The following PCDH15 variants were observed in gnomAD, a reference collection of about 807,000 sequenced individuals.
PCDH15 encodes protocadherin related 15, also known as protocadherin-15.
In PCDH15, 129 loss-of-function variants were observed where a neutral mutation model predicts 178.5. That is an observed-to-expected ratio of 0.72 (90% CI 0.63 to 0.84). The LOEUF (loss-of-function observed/expected upper bound fraction) is 0.84, where lower values mean the gene tolerates loss of function less well. Ranked by LOEUF, PCDH15 falls within the 40% of genes least tolerant of loss-of-function variation. PCDH15 has a pLI of 0.00. For missense variants in PCDH15, 2,230 were observed against 2,099.9 expected, an observed-to-expected ratio of 1.06 and a Z score of -1.21; for synonymous variants, 800 against 732.0, an observed-to-expected ratio of 1.09 and a Z score of -1.50.
At chr10:54,682,601 C>T (rs1320926079) in intron 1 of PCDH15, among the ~76,000 whole-genome samples, 3 of 152,108 alleles carry the variant, frequency 2.0e-5, no homozygotes, top group East Asian at 1.9e-4. Context: ...GAATCACTTT[C>T]CTTTTTATAG....
chr10:55,437,222 T>C (rs184807466), intron 2 of PCDH15, among the ~76,000 whole-genome samples: 603 of 36,556 alleles, frequency 0.016, 4 homozygotes, highest in Middle Eastern at 0.054. Context: ...CTCAATTTAA[T>C]TGGAGAAATA....
intron 18 of PCDH15, among the ~76,000 whole-genome samples, chr10:54,041,497 A>T (rs570634817): frequency 6.6e-6 from 1 of 152,234 alleles, no homozygotes; most frequent in African/African-American, 2.4e-5. Flanking sequence ...ATTAAAAAAT[A>T]ATTGCCTTTT....
rs183451502 is a variant in PCDH15 at position 55,080,868 on chromosome 10, C to T, written c.-80+85708G>A. On this transcript the variant is annotated intron_variant, in intron 2 of 5. Coordinates refer to the PCDH15 transcript ENST00000458638. ...TGGGGTTGCTGCTCCCAGCCCCAGA[C>T]AGTCAGTTTTCAGGCTTGCCCACCT... Among the ~76,000 whole-genome samples the T allele has an allele frequency of 5.3e-5, 8 of 152,268 alleles. No homozygotes were observed. In the South Asian group the frequency reaches 1.7e-3, roughly 32 times the overall value.
rs570070797 is a variant in PCDH15, at chr10:55,590,399, A to C, written c.-156+37226T>G. On this transcript the variant is annotated intron_variant, in intron 2 of 5. Coordinates refer to the PCDH15 transcript ENST00000613346. ...AATGGGTGCAGCACACCAGCATGGCACATGTATACATATGTAACTAACCTG... is the reference window on the plus strand; with the variant it reads ...AATGGGTGCAGCACACCAGCATGGCCCATGTATACATATGTAACTAACCTG... 2.3e-4 allele frequency among the ~76,000 whole-genome samples: 35 copies of C among 152,036 alleles called. No individual in the cohort carries two copies. In the South Asian group the frequency reaches 6.7e-3, roughly 29 times the overall value.
At chr10:55,203,606 T>G (rs1316136815) in intron 1 of PCDH15, among the ~76,000 whole-genome samples, 2 of 152,054 alleles carry the variant, frequency 1.3e-5, no homozygotes, top group Admixed American at 1.3e-4. Flanking sequence ...AATCCTCTGG[T>G]ATAAACAACT....
chr10:55,491,528 A>G (rs966014788), intron 2 of PCDH15, among the ~76,000 whole-genome samples: 2 of 151,612 alleles, frequency 1.3e-5, no homozygotes, highest in Non-Finnish European at 2.9e-5. Context: ...ATTCCAGAAA[A>G]ATGAGTCTGG....
intron 1 of PCDH15, among the ~76,000 whole-genome samples, chr10:54,747,995 C>T (rs891623673): frequency 1.3e-5 from 2 of 151,898 alleles, no homozygotes; most frequent in African/African-American, 2.4e-5. Flanking sequence ...TTAGTAGACA[C>T]GGGGTTTTAC....
At chr10:55,117,834 T>C (rs1438000241) in intron 2 of PCDH15, among the ~76,000 whole-genome samples, 3 of 152,164 alleles carry the variant, frequency 2.0e-5, no homozygotes, top group Non-Finnish European at 2.9e-5. Flanking sequence ...TTGGTTTTTA[T>C]TTTTTCTCTC....
chr10:54,336,753 C>A (rs535305445), intron 6 of PCDH15, among the ~76,000 whole-genome samples: 2 of 152,314 alleles, frequency 1.3e-5, no homozygotes, highest in South Asian at 4.1e-4. Flanking sequence ...GGGTTGAAGT[C>A]CCCACAAAGA....
intron 2 of PCDH15, among the ~76,000 whole-genome samples, chr10:54,555,318 A>G (rs1025422618): frequency 1.3e-5 from 2 of 152,154 alleles, no homozygotes; most frequent in African/African-American, 4.8e-5. Context: ...TCAGATCTTT[A>G]ACATCGTTTG....
At chr10:54,250,418 G>A (rs949550750) in intron 8 of PCDH15, among the ~76,000 whole-genome samples, 5 of 151,508 alleles carry the variant, frequency 3.3e-5, no homozygotes, top group Admixed American at 6.6e-5. Flanking sequence ...GAGTAGCTGG[G>A]ACTACAGGCA....
chr10:53,910,407 G>A (rs1589375571), intron 25 of PCDH15, among the ~76,000 whole-genome samples: 1 of 152,122 alleles, frequency 6.6e-6, no homozygotes, highest in Non-Finnish European at 1.5e-5. Flanking sequence ...CAACAGACTT[G>A]CAGCTAAGGG....
chr10:54,145,206 T>C (rs1461797913), intron 14 of PCDH15, among the ~76,000 whole-genome samples: 2 of 152,076 alleles, frequency 1.3e-5, no homozygotes, highest in Non-Finnish European at 2.9e-5. Context: ...AAGACAACTT[T>C]TTCATATGAC....
intron 2 of PCDH15, among the ~76,000 whole-genome samples, chr10:55,077,916 G>A (rs1841949484): frequency 6.6e-6 from 1 of 152,060 alleles, no homozygotes; most frequent in Non-Finnish European, 1.5e-5. Flanking sequence ...TTGCGAGTGA[G>A]TTTTATACTT....
intron 30 of PCDH15, 52 bp from the exon 31 acceptor site, chr10:53,828,625 G>A: frequency 7.2e-7 from 1 of 1,391,448 alleles, no homozygotes; most frequent in East Asian, 2.3e-5. Context: ...TAGAACTATT[G>A]CATTAATAAC....
rs1360404755 is a variant in PCDH15, at chr10:54,346,598, C to A, written c.475-114G>T. ...CCTAAAGGAAGATACCAGTTGGCAG[C>A]CCACAACCACAAACTGAAGTGTTTC... On this transcript the variant is annotated intron_variant, in intron 5 of 37. Coordinates refer to ENST00000644397, the MANE Select transcript of PCDH15 (RefSeq NM_001384140.1). 5.1e-6 allele frequency: 6 copies of A among 1,186,926 alleles called. No individual in the cohort carries two copies. In the East Asian group the frequency reaches 1.4e-4, roughly 28 times the overall value. The allele number at this position is 1,186,926 out of a possible 1,614,324, so 73.5% of individuals were successfully genotyped here. A position where few individuals can be genotyped will look rare whatever the true frequency, so the allele number is the denominator to read the frequency against.
intron 2 of PCDH15, among the ~76,000 whole-genome samples, chr10:54,571,630 C>T (rs999815455): frequency 6.6e-6 from 1 of 151,840 alleles, no homozygotes; most frequent in Non-Finnish European, 1.5e-5. Flanking sequence ...AAATGAAAAC[C>T]CTGAAAAATA....
At position 54,190,757 on chromosome 10, in the gene PCDH15, C is replaced by T. The variant is rs1472157669; in HGVS notation, c.1305+4926G>A. Among the ~76,000 whole-genome samples the T allele has an allele frequency of 2.0e-5, 3 of 152,240 alleles. No individual in the cohort carries two copies. The East Asian group carries it at 5.8e-4, about 29-fold the overall frequency. On this transcript the variant is annotated intron_variant, in intron 11 of 37. Transcript: ENST00000644397. ...AATTCATGCCCATAAACTAAAATGGCTTTAAAGTTTTCTTTTCATAATACA... is the reference window on the plus strand; with the variant it reads ...AATTCATGCCCATAAACTAAAATGGTTTTAAAGTTTTCTTTTCATAATACA...
At chr10:55,238,844 G>A (rs1170152972) in intron 1 of PCDH15, among the ~76,000 whole-genome samples, 1 of 152,064 alleles carries the variant, frequency 6.6e-6, no homozygotes, top group Admixed American at 6.6e-5. Flanking sequence ...ATTGCCTCAA[G>A]CATTTATCAC....
Sources: allele counts gnomAD v4.1 joint callset (sites outside exome capture counted in the v4.1 genomes callset), GRCh38; gene constraint gnomAD v4.1.1; transcripts MANE v1.5; gene names NCBI Gene and HGNC (gene_info 2026-07-23, HGNC 2026-07-21).